CNTRL: variants seen among roughly 807,000 people sequenced by gnomAD.
CNTRL encodes the protein 110 kDa centrosomal protein.
In CNTRL, 233 loss-of-function variants were observed where a neutral mutation model predicts 303.7. The ratio of observed to expected loss-of-function variants is 0.77; its 90% CI spans 0.69 to 0.86. The LOEUF (loss-of-function observed/expected upper bound fraction) is 0.86, where lower values mean the gene tolerates loss of function less well. Among genes scored for constraint, CNTRL ranks in the 40% least tolerant of loss-of-function variants. The pLI, the probability that CNTRL is intolerant of heterozygous loss-of-function variation, is 0.00. For missense variants in CNTRL, 2,524 were observed against 2,650.6 expected (o/e 0.95, Z 1.05); for synonymous variants, 900 against 922.2 (o/e 0.98, Z 0.44).
chr9:121,085,632 CAGGG>C (rs1254385397), intron 2 of CNTRL, among the ~76,000 whole-genome samples: 1 of 152,092 alleles, frequency 6.6e-6, no homozygotes, highest in Non-Finnish European at 1.5e-5. Flanking sequence ...GTGTAATAAA[CAGGG>C]AGGATTCATT....
chr9:121,108,362 A>T (rs991898090), intron 8 of CNTRL, among the ~76,000 whole-genome samples: 94 of 152,188 alleles, frequency 6.2e-4, no homozygotes, highest in Non-Finnish European at 9.6e-4. Flanking sequence ...ATAAAATATA[A>T]TATCTTTATG....
intron 27 of CNTRL, 123 bp from the exon 28 acceptor site, chr9:121,157,347 A>C (rs2052624200): frequency 1.1e-6 from 1 of 925,028 alleles, no homozygotes; most frequent in Non-Finnish European, 1.6e-6. Context: ...GTTACAGTGA[A>C]TGGACATTTT....
intron 19 of CNTRL, among the ~76,000 whole-genome samples, chr9:121,143,075 T>A (rs966124341): frequency 6.6e-6 from 1 of 152,144 alleles, no homozygotes; most frequent in East Asian, 1.9e-4. Context: ...TATAAACTCA[T>A]AGTTACCAAT....
chr9:121,148,652 T>C lies in CNTRL; in HGVS notation c.3460-20T>C, dbSNP rs746015794. Reference sequence around the variant, plus strand: ...TTTCCATTTATAATAGATAGTGTGCTCTGCTGTCATTTGTTTTAGGTTTCC... The same window carrying C: ...TTTCCATTTATAATAGATAGTGTGCCCTGCTGTCATTTGTTTTAGGTTTCC... On this transcript the variant is annotated intron_variant, in intron 23 of 43. Coordinates refer to ENST00000373855, the MANE Select transcript of CNTRL (RefSeq NM_007018.6). The C allele has an allele frequency of 3.7e-6, 6 of 1,605,606 alleles. No homozygotes were observed. The highest frequency in any genetic ancestry group is 3.3e-5 in the South Asian group (3 of 90,354).
In CNTRL at chr9:121,143,973, A is replaced by G. The variant is rs369434787; in HGVS notation, c.2942A>G (p.Lys981Arg). 5.7e-5 allele frequency: 92 copies of G among 1,613,808 alleles called. No homozygotes were observed. Among genetic ancestry groups the G allele is most frequent in the Non-Finnish European group, 7.3e-5 (86 of 1,179,868 alleles). ...GLDKELKKLKKAVATSDKLAT... is the reference protein window; with the variant it reads ...GLDKELKKLKRAVATSDKLAT... ...GATAAAGAACTGAAGAAACTAAAGA[A>G]AGCCGTGGCCACCTCTGATAAGCTA... The change falls in exon 20 of 44, where the codon AAA becomes AGA. Residue 981 changes from lysine (K) to arginine (R), a missense_variant. Physicochemically the swap from Lys to Arg is conservative, Grantham distance 26. Transcript: ENST00000373855.
At chr9:121,120,733 G>C (rs541632132) in intron 12 of CNTRL, among the ~76,000 whole-genome samples, 1 of 152,172 alleles carries the variant, frequency 6.6e-6, no homozygotes, top group Non-Finnish European at 1.5e-5. Flanking sequence ...ATTCCCACTG[G>C]ATTTCTGTAG....
At chr9:121,174,916 A>C in intron 42 of CNTRL, 102 bp from the exon 43 acceptor site, 1 of 1,004,208 alleles carries the variant, frequency 1.0e-6, no homozygotes, top group South Asian at 1.4e-5. Flanking sequence ...AGCCATTCCT[A>C]CTGTTAGCCA....
At chr9:121,099,586 A>C (rs1054177511) in intron 7 of CNTRL, among the ~76,000 whole-genome samples, 3 of 152,254 alleles carry the variant, frequency 2.0e-5, no homozygotes, top group African/African-American at 7.2e-5. Context: ...AAGGCTTCAG[A>C]AGATCGGTAA....
chr9:121,135,545 T>G (rs1349998727), intron 14 of CNTRL, among the ~76,000 whole-genome samples: 1 of 152,236 alleles, frequency 6.6e-6, no homozygotes, highest in Non-Finnish European at 1.5e-5. Context: ...TTTAGACTCA[T>G]AAGTATCACA....
chr9:121,088,880 T>A (rs960458565), intron 3 of CNTRL, among the ~76,000 whole-genome samples: 10 of 152,224 alleles, frequency 6.6e-5, no homozygotes, highest in African/African-American at 2.4e-4. Context: ...CTTAATTCAG[T>A]AAAAAAACGT....
chr9:121,117,988 A>G (rs906493046), intron 11 of CNTRL, among the ~76,000 whole-genome samples: 35 of 152,202 alleles, frequency 2.3e-4, no homozygotes, highest in African/African-American at 8.4e-4. Context: ...CAAAAAAAAA[A>G]AAAAGTATAT....
chr9:121,087,511 C>T (rs539528665), intron 2 of CNTRL, among the ~76,000 whole-genome samples: 8 of 151,874 alleles, frequency 5.3e-5, no homozygotes, highest in Admixed American at 2.0e-4. Flanking sequence ...GCCAACATGG[C>T]GAAACCCCAT....
In CNTRL at chr9:121,175,179, G is replaced by A; in HGVS notation, c.6909G>A (p.Gln2303=). 6.2e-7 allele frequency: 1 copy of A among 1,614,156 alleles called. No individual in the cohort carries two copies. The highest frequency in any genetic ancestry group is 8.5e-7 in the Non-Finnish European group (1 of 1,180,038). Residue 2303 remains glutamine, a synonymous_variant, in exon 43 of 44, where the codon CAG becomes CAA. Coordinates refer to ENST00000373855, the MANE Select transcript of CNTRL (RefSeq NM_007018.6). ...ADSASSPSLS[Q]LESSLTEDSQ... ...CAGCGTCATCACCCAGTCTGTCTCA[G>A]CTGGAGTCTTCCCTCACAGAGGACT...
In CNTRL at chr9:121,150,440, C is replaced by T. The variant is rs199887339; in HGVS notation, c.3920C>T (p.Pro1307Leu). ...PPPNFSIPFI[P>L]MGVLHCNVPE... Reference sequence around the variant, plus strand: ...CCCAACTTCTCCATCCCCTTCATCCCTATGGGTGTGCTGCATTGCAACGTC... The same window carrying T: ...CCCAACTTCTCCATCCCCTTCATCCTTATGGGTGTGCTGCATTGCAACGTC... Residue 1307 changes from proline (P) to leucine (L), a missense_variant, in exon 25 of 44, where the codon CCT (proline) becomes CTT (leucine). Coordinates refer to ENST00000373855, the MANE Select transcript of CNTRL (RefSeq NM_007018.6). 5.6e-6 allele frequency: 9 copies of T among 1,614,160 alleles called. No individual in the cohort carries two copies. The highest frequency in any genetic ancestry group is 6.8e-6 in the Non-Finnish European group (8 of 1,180,040).
intron 24 of CNTRL, 113 bp from the exon 25 acceptor site, chr9:121,150,057 C>T (rs2134203174): frequency 2.7e-6 from 2 of 732,910 alleles, no homozygotes; most frequent in South Asian, 4.7e-5. Flanking sequence ...ATTCTCACAT[C>T]TGCAGTATCT....
chr9:121,075,004 A>G lies in CNTRL; in HGVS notation c.-268A>G. On this transcript the variant is annotated 5_prime_UTR_variant, in exon 1 of 44. Transcript: ENST00000373855. Reference sequence around the variant, plus strand: ...CTGCCGCGCCGCTGGGCCCCTGAGGAAAGAGCCCGAACTTCTCCCGCTCTA... The same window carrying G: ...CTGCCGCGCCGCTGGGCCCCTGAGGGAAGAGCCCGAACTTCTCCCGCTCTA... 1 of 455,072 alleles carries G rather than the reference A, an allele frequency of 2.2e-6. No homozygotes were observed. The highest frequency in any genetic ancestry group is 1.6e-5 in the South Asian group (1 of 64,460). 28.2% of individuals were successfully genotyped at this position (455,072 alleles called of 1,614,324 possible). A position where few individuals can be genotyped will look rare whatever the true frequency, so the allele number is the denominator to read the frequency against.
intron 14 of CNTRL, among the ~76,000 whole-genome samples, chr9:121,133,455 G>A (rs2050992384): frequency 6.6e-6 from 1 of 152,268 alleles, no homozygotes; most frequent in Non-Finnish European, 1.5e-5. Flanking sequence ...TGAGCCAGGT[G>A]TGGGATATGA....
intron 21 of CNTRL, 42 bp from the exon 22 acceptor site, chr9:121,145,202 T>C (rs780669200): frequency 6.3e-7 from 1 of 1,578,526 alleles, no homozygotes; most frequent in Non-Finnish European, 8.6e-7. Context: ...TGGGAAAGAA[T>C]GAATTCATTG....
rs781592808 is a variant in CNTRL at position 121,162,026 on chromosome 9, T to A, written c.5206-28T>A. ...AAACTGAAGTCTTTCTCATTTAAGA[T>A]GTTTGAGTCCTCTTTTATCTGATTT... On this transcript the variant is annotated intron_variant, in intron 33 of 43. Coordinates refer to ENST00000373855, the MANE Select transcript of CNTRL (RefSeq NM_007018.6). 6.8e-6 allele frequency: 11 copies of A among 1,613,442 alleles called. No homozygotes were observed. The Admixed American group carries it at 1.3e-4, about 20-fold the overall frequency.
Sources: gnomAD v4.1 joint callset for allele counts (sites outside exome capture counted in the v4.1 genomes callset) on GRCh38, gnomAD v4.1.1 for gene constraint, MANE v1.5 for transcripts, NCBI Gene and HGNC (gene_info 2026-07-23, HGNC 2026-07-21) for gene names.